Variants in AGRN observed in about 807,000 individuals in gnomAD.
The protein encoded by AGRN is agrin, also known as agrin proteoglycan.
A neutral mutation model predicts 211.0 loss-of-function variants in AGRN; 106 were observed. That is an observed-to-expected ratio of 0.50 (90% confidence interval 0.43 to 0.59). The LOEUF is 0.59. Among genes scored for constraint, AGRN ranks in the 20% least tolerant of loss-of-function variants. The pLI is 0.00. For missense variants in AGRN, 3,040 were observed against 2,982.6 expected, an observed-to-expected ratio of 1.02 and a Z score of -0.45; for synonymous variants, 1,525 against 1,332.5, an observed-to-expected ratio of 1.14 and a Z score of -3.15.
chr1:1,042,052 A>G lies in AGRN; in HGVS notation c.1274A>G (p.Tyr425Cys), dbSNP rs1644958728. The change falls in exon 7 of 36, where the codon TAC (tyrosine) becomes TGC (cysteine). Residue 425 changes from tyrosine (Y) to cysteine (C), a missense_variant. Tyr to Cys is a radical substitution (Grantham distance 194). Around this residue, in one of 3 missense-constraint regions of AGRN, gnomAD observed 1,498 missense variants for 1,457.8 expected, o/e 1.03. Transcript: ENST00000379370. Reference protein sequence around the residue: ...SCDRVTCDGAYRPVCAQDGRT... With the variant: ...SCDRVTCDGACRPVCAQDGRT... ...GACCGCGTCACCTGTGACGGGGCCT[A>G]CAGGCCCGTGTGTGCCCAGGACGGG... The G allele has an allele frequency of 1.2e-6, 2 of 1,608,524 alleles. No individual in the cohort carries two copies. The highest frequency in any genetic ancestry group is 1.7e-6 in the Non-Finnish European group (2 of 1,179,532).
intron 33 of AGRN, chr1:1,052,952 G>A (rs181931603): frequency 1.7e-4 from 28 of 168,894 alleles, no homozygotes; most frequent in Non-Finnish European, 3.0e-4. Flanking sequence ...GTAGATGTGT[G>A]TGTGTATGAA....
rs1348360720 is a variant in AGRN at position 1,048,396 on chromosome 1, G to T, written c.4105+31G>T. On this transcript the variant is annotated intron_variant, in intron 23 of 35. Transcript: ENST00000379370. The surrounding 1 kb of genome is among the most constrained non-coding windows in gnomAD (Gnocchi z 5.9). ...GATGTCCACTGCAGAGGAGGGCGGG[G>T]AGGCAGCAGGGTGGGGGCAAGGATT... The T allele has an allele frequency of 7.4e-7, 1 of 1,355,648 alleles. No individual in the cohort carries two copies. Among genetic ancestry groups the T allele is most frequent in the South Asian group, 1.5e-5 (1 of 65,758 alleles). 84.0% of individuals were successfully genotyped at this position (1,355,648 alleles called of 1,614,324 possible).
Position 1,055,159 on chromosome 1 carries a change from G to A in AGRN, c.*178G>A. The A allele has an allele frequency of 3.9e-6, 4 of 1,024,788 alleles. No individual in the cohort carries two copies. The highest frequency in any genetic ancestry group is 5.7e-6 in the Non-Finnish European group (4 of 698,578). 63.5% of individuals were successfully genotyped at this position (1,024,788 alleles called of 1,614,324 possible). On this transcript the variant is annotated 3_prime_UTR_variant, in exon 36 of 36. Coordinates refer to ENST00000379370, the MANE Select transcript of AGRN (RefSeq NM_198576.4). Reference sequence around the variant, plus strand: ...TGCCGAGGGATGGACAGGCGAGGTGGCAGCGTGGAGGGCTCGGCGTGGATG... The same window carrying A: ...TGCCGAGGGATGGACAGGCGAGGTGACAGCGTGGAGGGCTCGGCGTGGATG...
intron 3 of AGRN, among the ~76,000 whole-genome samples, chr1:1,036,727 C>T (rs1438512772): frequency 6.6e-6 from 1 of 152,170 alleles, no homozygotes; most frequent in African/African-American, 2.4e-5. Context: ...CCAACCCCAC[C>T]AGGCTGTTCC....
Position 1,054,495 on chromosome 1 carries a change from C to G in AGRN, c.5924C>G (p.Thr1975Ser). The G allele has an allele frequency of 1.9e-6, 3 of 1,603,188 alleles. No homozygotes were observed. The highest frequency in any genetic ancestry group is 2.6e-6 in the Non-Finnish European group (3 of 1,175,744). Residue 1975 changes from threonine to serine, a missense_variant, in exon 35 of 36, where the codon ACC (threonine) becomes AGC (serine). Thr to Ser is a moderately conservative substitution (Grantham distance 58). This residue lies in a region of AGRN where 1,537 missense variants were observed against 1,505.0 expected (regional missense o/e 1.02). Transcript: ENST00000379370. ...SLQVGNEAPV[T>S]GSSPLGATQL... ...CAGGTGGGCAATGAGGCCCCTGTGA[C>G]CGGCTCCTCCCCGCTGGGCGCCACG...
At chr1:1,052,993 CTGTG>C (rs534667280) in intron 33 of AGRN, 22 of 178,102 alleles carry the variant, frequency 1.2e-4, no homozygotes, top group African/African-American at 3.1e-4. Flanking sequence ...TCAGGTGTGT[CTGTG>C]TGTGTTCGTG....
In AGRN at chr1:1,049,772, G is replaced by A; in HGVS notation, c.4721G>A (p.Cys1574Tyr). ...AACCTGGAGGCTGGAAGGTTCCATT[G>A]CCAGTGCCCGCCCGGCCGCGTCGGT... ...CQNLEAGRFH[C>Y]QCPPGRVGPT... The change falls in exon 26 of 36, where the codon TGC (cysteine) becomes TAC (tyrosine). Residue 1574 changes from cysteine to tyrosine, a missense_variant. Cys to Tyr is a radical substitution (Grantham distance 194). Coordinates refer to ENST00000379370, the MANE Select transcript of AGRN (RefSeq NM_198576.4). 1 of 1,588,660 alleles carries A rather than the reference G, an allele frequency of 6.3e-7. No individual in the cohort carries two copies. The highest frequency in any genetic ancestry group is 8.6e-7 in the Non-Finnish European group (1 of 1,168,806).
Position 1,048,501 on chromosome 1 carries a change from T to G in AGRN, c.4105+136T>G, listed in dbSNP as rs1473903940. On this transcript the variant is annotated intron_variant, in intron 23 of 35. Coordinates refer to ENST00000379370, the MANE Select transcript of AGRN (RefSeq NM_198576.4). The surrounding 1 kb of genome is among the most constrained non-coding windows in gnomAD (Gnocchi z 5.9). ...AAGGCGGGGTTTCGGCCAGATGCGG[T>G]GGCTCACGCCTGTAATCCCAGCACT... The G allele has an allele frequency of 6.4e-6, 5 of 785,134 alleles. No homozygotes were observed. Among genetic ancestry groups the G allele is most frequent in the Non-Finnish European group, 9.7e-6 (5 of 514,610 alleles). The allele number at this position is 785,134 out of a possible 1,614,324, so 48.6% of individuals were successfully genotyped here. A position where few individuals can be genotyped will look rare whatever the true frequency, so the allele number is the denominator to read the frequency against.
At chr1:1,051,969 A>G (rs1009063043) in intron 33 of AGRN, 154 bp downstream of exon 33, 3 of 1,546,586 alleles carry the variant, frequency 1.9e-6, no homozygotes, top group African/African-American at 2.7e-5. Flanking sequence ...CCCGCCTCTC[A>G]CTGTCTGTCT....
chr1:1,038,061 G>C (rs763637219), intron 3 of AGRN, among the ~76,000 whole-genome samples: 1 of 152,176 alleles, frequency 6.6e-6, no homozygotes, highest in African/African-American at 2.4e-5. Flanking sequence ...GCTCACTCTT[G>C]AGGGGCAGAT....
chr1:1,033,975 G>C (rs1644737689), intron 2 of AGRN: 3 of 312,430 alleles, frequency 9.6e-6, no homozygotes, highest in Non-Finnish European at 1.4e-5. Flanking sequence ...CCCTCCCTCC[G>C]CGGCGTCTTC....
chr1:1,052,158 G>A, intron 33 of AGRN: 2 of 1,094,050 alleles, frequency 1.8e-6, no homozygotes, highest in South Asian at 1.4e-5. Context: ...GGCTGCAAGA[G>A]GCCGTTTCCT....
chr1:1,033,388 C>G (rs1644716890), intron 2 of AGRN, among the ~76,000 whole-genome samples: 1 of 151,656 alleles, frequency 6.6e-6, no homozygotes, highest in African/African-American at 2.4e-5. Context: ...CACACGCGGT[C>G]GCACGCGGCC....
intron 19 of AGRN, 22 bp from the exon 20 acceptor site, chr1:1,047,305 C>T (rs1360967050): frequency 4.4e-6 from 7 of 1,581,498 alleles, no homozygotes; most frequent in Non-Finnish European, 6.0e-6. Context: ...CCAGGCAGGG[C>T]CTCACTGTAC....
At chr1:1,034,216 C>T (rs1306438189) in intron 2 of AGRN, 1 of 985,328 alleles carries the variant, frequency 1.0e-6, no homozygotes, top group African/African-American at 1.7e-5. Context: ...CTGCGCGGCT[C>T]CGGGGGCTCC....
intron 1 of AGRN, among the ~76,000 whole-genome samples, chr1:1,020,580 C>CCCG (rs1644374976): frequency 1.3e-5 from 2 of 152,082 alleles, no homozygotes; most frequent in Admixed American, 1.3e-4. Flanking sequence ...CCGTCCTCCG[C>CCCG]CCGCCGCCGC....
rs1645386981 is a variant in AGRN at position 1,054,093 on chromosome 1, G to A, written c.5876+116G>A. 4.3e-6 allele frequency: 5 copies of A among 1,153,168 alleles called. No individual in the cohort carries two copies. The African/African-American group carries it at 7.7e-5, about 18-fold the overall frequency. 71.4% of individuals were successfully genotyped at this position (1,153,168 alleles called of 1,614,324 possible). A position where few individuals can be genotyped will look rare whatever the true frequency, so the allele number is the denominator to read the frequency against. On this transcript the variant is annotated intron_variant, in intron 34 of 35. Coordinates refer to ENST00000379370, the MANE Select transcript of AGRN (RefSeq NM_198576.4). ...TCAGGGAGGACACGCCTTGCTGCCTGAGCCGAGGTCACTGCCAGTGGGAGG... is the reference window on the plus strand; with the variant it reads ...TCAGGGAGGACACGCCTTGCTGCCTAAGCCGAGGTCACTGCCAGTGGGAGG...
rs140021594 is a variant in AGRN at position 1,052,435 on chromosome 1, C to T, written c.5651+620C>T. 7.3e-3 allele frequency: 2,113 copies of T among 290,232 alleles called. 13 individuals carry two copies. Among genetic ancestry groups the T allele is most frequent in the Non-Finnish European group, 0.01 (1,512 of 148,076 alleles). The allele number at this position is 290,232 out of a possible 1,614,324, so 18.0% of individuals were successfully genotyped here. ...TATGTGGGGGGGACATGTAGATATG[C>T]GTGTGTGACTATGCGGCCGTGTGTG... On this transcript the variant is annotated intron_variant, in intron 33 of 35. Coordinates refer to ENST00000379370, the MANE Select transcript of AGRN (RefSeq NM_198576.4).
In AGRN at chr1:1,050,072, G is replaced by A. The variant is rs764146363; in HGVS notation, c.4879+35G>A. 63 of 1,519,022 alleles carry A rather than the reference G, an allele frequency of 4.1e-5. No individual in the cohort carries two copies. The African/African-American group carries it at 5.1e-4, about 12-fold the overall frequency. The allele number at this position is 1,519,022 out of a possible 1,614,324, so 94.1% of individuals were successfully genotyped here. A position where few individuals can be genotyped will look rare whatever the true frequency, so the allele number is the denominator to read the frequency against. The stretch of plus-strand genomic sequence containing the variant: ...GTGGGGCTCTCGGGGCAGGGGGGGG[G>A]GGGGGGTTGAACGTTTGGGCGGGTA... On this transcript the variant is annotated intron_variant, in intron 27 of 35. Transcript: ENST00000379370.
Sources: allele counts gnomAD v4.1 joint callset (sites outside exome capture counted in the v4.1 genomes callset), GRCh38; gene constraint gnomAD v4.1.1; regional missense constraint gnomAD v4.1.1; non-coding constraint Gnocchi (gnomAD v3.1); transcripts MANE v1.5; gene names NCBI Gene and HGNC (gene_info 2026-07-23, HGNC 2026-07-21).